UBE2N: variants seen among roughly 807,000 people sequenced by gnomAD.
UBE2N encodes the protein ubiquitin conjugating enzyme E2 N.
For missense variants in UBE2N, 60 were observed against 192.1 expected (o/e 0.31, Z 4.07); for synonymous variants, 70 against 69.2 (o/e 1.01, Z -0.06).
intron 1 of UBE2N, among the ~76,000 whole-genome samples, chr12:93,435,007 G>A (rs1878890844): frequency 6.6e-6 from 1 of 152,008 alleles, no homozygotes; most frequent in African/African-American, 2.4e-5. Flanking sequence ...CTGGATTCAA[G>A]GGATCTTCCT....
At chr12:93,417,704 A>C (rs752227013) in intron 1 of UBE2N, among the ~76,000 whole-genome samples, 22 of 152,228 alleles carry the variant, frequency 1.4e-4, no homozygotes, top group Non-Finnish European at 2.4e-4. Flanking sequence ...ATTACTGAAA[A>C]ATAAGTGTTA....
intron 1 of UBE2N, among the ~76,000 whole-genome samples, chr12:93,413,988 C>G (rs1404689705): frequency 1.3e-5 from 2 of 150,778 alleles, no homozygotes; most frequent in African/African-American, 4.9e-5. Context: ...ATGGAGAAAT[C>G]CCATCTCTAC....
rs528102071 is a variant in UBE2N at position 93,421,828 on chromosome 12, A to G, written c.31-10529T>C. On this transcript the variant is annotated intron_variant, in intron 1 of 3. Transcript: ENST00000318066. ...AAATGTTTCGTGACTTTGAAATATA[A>G]ATTTACTTACAAATGTTTACTCATT... is the stretch of plus-strand genomic sequence containing the variant. Among the ~76,000 whole-genome samples the G allele has an allele frequency of 2.0e-5, 3 of 152,340 alleles. No homozygotes were observed. In the South Asian group the frequency reaches 6.2e-4, roughly 32 times the overall value.
intron 1 of UBE2N, among the ~76,000 whole-genome samples, 185 bp downstream of exon 1, chr12:93,441,670 G>A (rs997292779): frequency 6.6e-6 from 1 of 151,414 alleles, no homozygotes; most frequent in Non-Finnish European, 1.5e-5. Flanking sequence ...CGCCGCGGCC[G>A]GAAGTCTCCC....
chr12:93,421,051 G>A (rs985836461), intron 1 of UBE2N, among the ~76,000 whole-genome samples: 1 of 152,254 alleles, frequency 6.6e-6, no homozygotes, highest in South Asian at 2.1e-4. Flanking sequence ...ATATGTATTA[G>A]CTCATTTAAT....
At chr12:93,438,908 CAG>C (rs1221264322) in intron 1 of UBE2N, among the ~76,000 whole-genome samples, 3 of 152,266 alleles carry the variant, frequency 2.0e-5, no homozygotes, top group African/African-American at 7.2e-5. Context: ...TAACAAGAGA[CAG>C]GGGAATGTTA....
At chr12:93,425,321 C>T (rs1878547945) in intron 1 of UBE2N, among the ~76,000 whole-genome samples, 1 of 152,142 alleles carries the variant, frequency 6.6e-6, no homozygotes, top group Non-Finnish European at 1.5e-5. Flanking sequence ...GGAAGTAAGG[C>T]TCTCTGAGCC....
intron 1 of UBE2N, among the ~76,000 whole-genome samples, chr12:93,419,198 G>A (rs995602284): frequency 6.6e-6 from 1 of 152,078 alleles, no homozygotes; most frequent in South Asian, 2.1e-4. Context: ...TCAGGAGTTC[G>A]AGACCAACAT....
intron 3 of UBE2N, 149 bp from the exon 4 acceptor site, chr12:93,410,228 G>A (rs1877993764): frequency 2.9e-6 from 2 of 694,032 alleles, no homozygotes; most frequent in Non-Finnish European, 4.6e-6. Flanking sequence ...ATTGGATCAG[G>A]GCTGAAAGAT....
intron 1 of UBE2N, among the ~76,000 whole-genome samples, chr12:93,414,191 T>G (rs1169053518): frequency 2.0e-5 from 3 of 150,804 alleles, no homozygotes; most frequent in African/African-American, 7.3e-5. Flanking sequence ...GGCTCACACC[T>G]GTAATCCCAG....
chr12:93,416,558 T>G (rs1267237020), intron 1 of UBE2N, among the ~76,000 whole-genome samples: 1 of 151,872 alleles, frequency 6.6e-6, no homozygotes, highest in Non-Finnish European at 1.5e-5. Context: ...AGTGAGCACC[T>G]GGCTAATTTT....
chr12:93,427,684 T>G (rs1878636226), intron 1 of UBE2N, among the ~76,000 whole-genome samples: 2 of 152,186 alleles, frequency 1.3e-5, no homozygotes, highest in South Asian at 4.1e-4. Flanking sequence ...GTTGTACTAC[T>G]TTGTGAATAC....
intron 3 of UBE2N, 146 bp downstream of exon 3, chr12:93,410,587 TA>T (rs1878004615): frequency 1.6e-6 from 2 of 1,245,096 alleles, no homozygotes; most frequent in African/African-American, 3.0e-5. Flanking sequence ...GCCATTTTGT[TA>T]AGACGTATTT....
Position 93,441,819 on chromosome 12 carries a change from C to G in UBE2N, c.30+36G>C, listed in dbSNP as rs984015655. The G allele has an allele frequency of 3.2e-6, 5 of 1,579,024 alleles. No homozygotes were observed. The African/African-American group carries it at 7.0e-5, about 22-fold the overall frequency. ...GCCTGCCCAGCTGAGCCGACGAGAGCAGAGCGAAGAGCTGGAGGCCGGCCT... is the reference window on the plus strand; with the variant it reads ...GCCTGCCCAGCTGAGCCGACGAGAGGAGAGCGAAGAGCTGGAGGCCGGCCT... On this transcript the variant is annotated intron_variant, in intron 1 of 3. Transcript: ENST00000318066.
At chr12:93,410,699 T>C in intron 3 of UBE2N, 35 bp downstream of exon 3, 1 of 1,609,952 alleles carries the variant, frequency 6.2e-7, no homozygotes, top group East Asian at 2.2e-5. Context: ...TTTGTAAAAG[T>C]GGAAGTGGTG....
chr12:93,410,383 C>T (rs1877997855), intron 3 of UBE2N: 1 of 490,658 alleles, frequency 2.0e-6, no homozygotes, highest in Non-Finnish European at 3.6e-6. Flanking sequence ...TTCTTGACTC[C>T]AAATTCCGTA....
At chr12:93,430,268 A>G (rs955830766) in intron 1 of UBE2N, among the ~76,000 whole-genome samples, 5 of 152,238 alleles carry the variant, frequency 3.3e-5, no homozygotes, top group Admixed American at 2.6e-4. Context: ...ACTATACAAC[A>G]TAGCCTAGGT....
intron 1 of UBE2N, among the ~76,000 whole-genome samples, chr12:93,433,630 ATT>A (rs1425993626): frequency 2.0e-5 from 3 of 152,128 alleles, no homozygotes; most frequent in Non-Finnish European, 4.4e-5. Context: ...TCTCATATTT[ATT>A]TTGTTTTTAG....
At chr12:93,429,342 A>G in intron 1 of UBE2N, 1 of 414,714 alleles carries the variant, frequency 2.4e-6, no homozygotes, top group South Asian at 1.8e-5. Context: ...TAACTCTAAC[A>G]TATTTTTAGA....
Sources: gnomAD v4.1 joint callset for allele counts (sites outside exome capture counted in the v4.1 genomes callset) on GRCh38, gnomAD v4.1.1 for gene constraint, MANE v1.5 for transcripts, NCBI Gene and HGNC (gene_info 2026-07-23, HGNC 2026-07-21) for gene names.